The following DNAJC10 variants were observed in gnomAD, a reference collection of about 807,000 sequenced individuals.
DNAJC10 encodes DnaJ heat shock protein family (Hsp40) member C10.
Under a neutral mutation model 115.0 loss-of-function variants are expected in DNAJC10, and 101 were observed. That is an observed-to-expected ratio of 0.88 (90% CI 0.75 to 1.04). The LOEUF is 1.04. Among genes scored for constraint, DNAJC10 ranks in the 50% least tolerant of loss-of-function variants. The pLI is 0.00. For synonymous variants in DNAJC10, 307 were observed against 301.5 expected, an observed-to-expected ratio of 1.02 and a Z score of -0.19; for missense variants, 981 against 928.8, an observed-to-expected ratio of 1.06 and a Z score of -0.73.
chr2:182,722,052 T>C lies in DNAJC10; in HGVS notation c.395T>C (p.Ile132Thr). ...ATTTATGATGATGATCCTGAAATCA[T>C]AACATTGGAAAGAAGAGAATTTGGT... The part of the protein sequence containing the change: ...FGIYDDDPEI[I>T]TLERREFDAA... The change falls in exon 5 of 24, where the codon ATA becomes ACA. Residue 132 changes from isoleucine (I) to threonine (T), a missense_variant. Coordinates refer to ENST00000264065, the MANE Select transcript of DNAJC10 (RefSeq NM_018981.4). The C allele has an allele frequency of 6.4e-7, 1 of 1,564,622 alleles. No homozygotes were observed.
Position 182,728,825 on chromosome 2 carries a change from G to T in DNAJC10, c.502-38G>T, listed in dbSNP as rs1374901592. 3.1e-6 allele frequency: 5 copies of T among 1,611,434 alleles called. No homozygotes were observed. In the South Asian group the frequency reaches 5.5e-5, roughly 18 times the overall value. On this transcript the variant is annotated intron_variant, in intron 6 of 23. Coordinates refer to ENST00000264065, the MANE Select transcript of DNAJC10 (RefSeq NM_018981.4). ...GAGTGTGTTCAAGGGAAGAAAAGTG[G>T]TCTTATCAGAGAAATATGTTTTCTT...
chr2:182,789,981 G>A lies in DNAJC10; in HGVS notation c.*12849G>A, dbSNP rs1180512065. 1 of 152,120 alleles carries A rather than the reference G, an allele frequency of 6.6e-6. No homozygotes were observed. The highest frequency in any genetic ancestry group is 1.5e-5 in the Non-Finnish European group (1 of 68,024). 9.4% of individuals were successfully genotyped at this position (152,120 alleles called of 1,614,324 possible). A position where few individuals can be genotyped will look rare whatever the true frequency, so the allele number is the denominator to read the frequency against. On this transcript the variant is annotated 3_prime_UTR_variant, in exon 24 of 24. Transcript: ENST00000264065. ...TGGTTATTTTACATTCTCATACCAT[G>A]CTTTGTATTACTTTCCCATTTGGAT...
intron 12 of DNAJC10, 118 bp from the exon 13 acceptor site, chr2:182,741,125 G>A (rs1693727080): frequency 1.5e-6 from 1 of 648,644 alleles, no homozygotes. Context: ...CCGAATTTTA[G>A]ACAGTATTTT....
chr2:182,761,602 G>A (rs990458736), intron 21 of DNAJC10, among the ~76,000 whole-genome samples: 2 of 152,092 alleles, frequency 1.3e-5, no homozygotes, highest in Non-Finnish European at 2.9e-5. Flanking sequence ...AGGATTGAAT[G>A]TGATAGATGA....
At chr2:182,741,103 G>A (rs957108477) in intron 12 of DNAJC10, 140 bp from the exon 13 acceptor site, 1 of 600,684 alleles carries the variant, frequency 1.7e-6, no homozygotes, top group East Asian at 3.2e-5. Flanking sequence ...CAAAATAAGA[G>A]AATGAGTGGG....
rs1479809659 is a variant in DNAJC10 at position 182,786,999 on chromosome 2, A to G, written c.*9867A>G. ...CACGGTGAGAGCGAGCCATCTGTAA[A>G]CCAACAAACAAGGCCCTCACCAGGC... is the stretch of plus-strand genomic sequence containing the variant. On this transcript the variant is annotated 3_prime_UTR_variant, in exon 24 of 24. Coordinates refer to ENST00000264065, the MANE Select transcript of DNAJC10 (RefSeq NM_018981.4). The G allele has an allele frequency of 1.3e-5, 2 of 152,228 alleles. No individual in the cohort carries two copies. Among genetic ancestry groups the G allele is most frequent in the African/African-American group, 4.8e-5 (2 of 41,414 alleles). The allele number at this position is 152,228 out of a possible 1,614,324, so 9.4% of individuals were successfully genotyped here.
intron 4 of DNAJC10, among the ~76,000 whole-genome samples, 177 bp downstream of exon 4, chr2:182,720,346 C>T (rs892639089): frequency 6.6e-6 from 1 of 152,048 alleles, no homozygotes; most frequent in Non-Finnish European, 1.5e-5. Context: ...ATGATCTGTA[C>T]AGATATGAAG....
chr2:182,792,934 TAAGTATGTTAG>T lies in DNAJC10; in HGVS notation c.*15817_*15827del, dbSNP rs944071452. 7 of 152,052 alleles carry T rather than the reference TAAGTATGTTAG, an allele frequency of 4.6e-5. No individual in the cohort carries two copies. Among genetic ancestry groups the T allele is most frequent in the South Asian group, 2.1e-4 (1 of 4,832 alleles). The allele number at this position is 152,052 out of a possible 1,614,324, so 9.4% of individuals were successfully genotyped here. On this transcript the variant is annotated 3_prime_UTR_variant, in exon 24 of 24. Transcript: ENST00000264065. ...ATAAACAATTAATATAAGCAAATGTTAAGTATGTTAGAAGTATGTTAGAAGATGTGCTGTGA... is the reference window on the plus strand; with the variant it reads ...ATAAACAATTAATATAAGCAAATGTTAAGTATGTTAGAAGATGTGCTGTGA...
intron 5 of DNAJC10, among the ~76,000 whole-genome samples, chr2:182,725,511 C>T (rs1693260765): frequency 6.6e-6 from 1 of 152,160 alleles, no homozygotes; most frequent in Admixed American, 6.5e-5. Flanking sequence ...TAACACAAAA[C>T]AGCCATACTG....
chr2:182,731,098 A>G lies in DNAJC10; in HGVS notation c.796A>G (p.Lys266Glu). ...TGGCTGGCTGATCACTTTTTGTTCA[A>G]AAGGAGGAGGTAATACTATTTTTTA... The part of the protein sequence containing the change: ...GIGWLITFCS[K>E]GGDCLTSQTR... The change falls in exon 9 of 24, where the codon AAA becomes GAA. Residue 266 changes from lysine (K) to glutamate (E), a missense_variant. Physicochemically the swap from Lys to Glu is moderately conservative, Grantham distance 56. Transcript: ENST00000264065. 1.2e-6 allele frequency: 2 copies of G among 1,611,628 alleles called. No individual in the cohort carries two copies. The highest frequency in any genetic ancestry group is 1.7e-6 in the Non-Finnish European group (2 of 1,178,448).
At chr2:182,729,596 G>A (rs553026850) in intron 7 of DNAJC10, among the ~76,000 whole-genome samples, 1 of 151,486 alleles carries the variant, frequency 6.6e-6, no homozygotes, top group South Asian at 2.1e-4. Context: ...TGAATGTAAA[G>A]CTCTGATATC....
intron 13 of DNAJC10, among the ~76,000 whole-genome samples, chr2:182,741,612 A>G (rs1293490004): frequency 6.6e-6 from 1 of 152,154 alleles, no homozygotes; most frequent in Non-Finnish European, 1.5e-5. Flanking sequence ...TGCATACTGT[A>G]GGAGGTTATC....
chr2:182,742,965 G>A (rs1031507816), intron 13 of DNAJC10, among the ~76,000 whole-genome samples: 6 of 151,912 alleles, frequency 3.9e-5, no homozygotes, highest in Non-Finnish European at 8.8e-5. Context: ...TGCTGCCTCA[G>A]CCTCCCAAGT....
rs939660734 is a variant in DNAJC10, at chr2:182,784,332, C to A, written c.*7200C>A. 2 of 151,740 alleles carry A rather than the reference C, an allele frequency of 1.3e-5. No homozygotes were observed. The highest frequency in any genetic ancestry group is 2.9e-5 in the Non-Finnish European group (2 of 67,934). 9.4% of individuals were successfully genotyped at this position (151,740 alleles called of 1,614,324 possible). ...GAGTAAGACCCTGTCTAAAAAAAAACAAAACAACAAAAAAAATCATTTTGT... is the reference window on the plus strand; with the variant it reads ...GAGTAAGACCCTGTCTAAAAAAAAAAAAAACAACAAAAAAAATCATTTTGT... On this transcript the variant is annotated 3_prime_UTR_variant, in exon 24 of 24. Transcript: ENST00000264065.
At chr2:182,721,019 A>G (rs1693137539) in intron 4 of DNAJC10, among the ~76,000 whole-genome samples, 1 of 152,078 alleles carries the variant, frequency 6.6e-6, no homozygotes, top group South Asian at 2.1e-4. Context: ...GGAGGAAAAA[A>G]TAAGGTGGAA....
At position 182,752,079 on chromosome 2, in the gene DNAJC10, C is replaced by T. The variant is rs376095496; in HGVS notation, c.1442C>T (p.Pro481Leu). 1 of 1,611,420 alleles carries T rather than the reference C, an allele frequency of 6.2e-7. No homozygotes were observed. Among genetic ancestry groups the T allele is most frequent in the African/African-American group, 1.3e-5 (1 of 74,706 alleles). Residue 481 changes from proline to leucine, a missense_variant, in exon 16 of 24, where the codon CCA becomes CTA. Pro to Leu is a moderately conservative substitution (Grantham distance 98, BLOSUM62 -3). Transcript: ENST00000264065. ...ATATTTTTTCTTTCCTAGTGGTGTCCACCATGTCGAGCTTTACTACCAGAG... is the reference window on the plus strand; with the variant it reads ...ATATTTTTTCTTTCCTAGTGGTGTCTACCATGTCGAGCTTTACTACCAGAG... Reference protein sequence around the residue: ...WLVDFFAPWCPPCRALLPELR... With the variant: ...WLVDFFAPWCLPCRALLPELR...
intron 14 of DNAJC10, among the ~76,000 whole-genome samples, chr2:182,746,364 T>C (rs1447938340): frequency 6.6e-6 from 1 of 152,140 alleles, no homozygotes; most frequent in Admixed American, 6.5e-5. Flanking sequence ...TGTAAAAGTG[T>C]TCCTATTTCT....
intron 22 of DNAJC10, among the ~76,000 whole-genome samples, chr2:182,763,997 T>A (rs1468713856): frequency 6.6e-6 from 1 of 152,174 alleles, no homozygotes; most frequent in Admixed American, 6.5e-5. Flanking sequence ...TTGTTTGTAG[T>A]TGCTGTGACT....
At chr2:182,720,797 C>A (rs546249550) in intron 4 of DNAJC10, among the ~76,000 whole-genome samples, 2 of 152,164 alleles carry the variant, frequency 1.3e-5, no homozygotes, top group South Asian at 4.1e-4. Context: ...TAATTTCTTT[C>A]AATATATTTT....
Sources: gnomAD v4.1 joint callset for allele counts (sites outside exome capture counted in the v4.1 genomes callset) on GRCh38, gnomAD v4.1.1 for gene constraint, MANE v1.5 for transcripts, NCBI Gene and HGNC (gene_info 2026-07-23, HGNC 2026-07-21) for gene names.